ITGA4: variants seen among roughly 807,000 people sequenced by gnomAD.
ITGA4 encodes integrin subunit alpha 4.
Under a neutral mutation model 133.6 loss-of-function variants are expected in ITGA4, and 63 were observed. The ratio of observed to expected loss-of-function variants is 0.47; its 90% CI spans 0.38 to 0.58. The LOEUF is 0.58. Among genes scored for constraint, ITGA4 ranks in the 20% least tolerant of loss-of-function variants. The pLI, the probability that ITGA4 is intolerant of heterozygous loss-of-function variation, is 0.00. For synonymous variants in ITGA4, 483 were observed against 438.0 expected (o/e 1.10, Z -1.28); for missense variants, 1,076 against 1,252.7 (o/e 0.86, Z 2.13).
intron 2 of ITGA4, among the ~76,000 whole-genome samples, chr2:181,467,172 G>A (rs910862540): frequency 2.6e-5 from 4 of 151,936 alleles, no homozygotes; most frequent in Non-Finnish European, 4.4e-5. Context: ...ACTTTAGAGT[G>A]GAACAATTTG....
Position 181,537,066 on chromosome 2 carries a change from C to T in ITGA4, c.*1539C>T, listed in dbSNP as rs1388682268. ...TGAGTAGTGAAATGTAAGCACAAAA[C>T]CTCCTGAACCCAGAGTGTGTATACA... On this transcript the variant is annotated 3_prime_UTR_variant, in exon 28 of 28. Transcript: ENST00000397033. The T allele has an allele frequency of 4.5e-6, 2 of 444,286 alleles. No individual in the cohort carries two copies. The highest frequency in any genetic ancestry group is 9.0e-6 in the Non-Finnish European group (2 of 221,794). The allele number at this position is 444,286 out of a possible 1,614,324, so 27.5% of individuals were successfully genotyped here. A position where few individuals can be genotyped will look rare whatever the true frequency, so the allele number is the denominator to read the frequency against.
At position 181,495,323 on chromosome 2, in the gene ITGA4, T is replaced by C. The variant is rs201526512; in HGVS notation, c.1340-48T>C. ...AGTATTTATGGCTGAAAAATAATTCTCTTTGACTAATGATGATCATTAATC... is the reference window on the plus strand; with the variant it reads ...AGTATTTATGGCTGAAAAATAATTCCCTTTGACTAATGATGATCATTAATC... On this transcript the variant is annotated intron_variant, in intron 12 of 27. Coordinates refer to ENST00000397033, the MANE Select transcript of ITGA4 (RefSeq NM_000885.6). The surrounding 1 kb of genome is among the most constrained non-coding windows in gnomAD (Gnocchi z 4.3). 1.5e-5 allele frequency: 21 copies of C among 1,433,956 alleles called. No homozygotes were observed. Among genetic ancestry groups the C allele is most frequent in the East Asian group, 2.3e-5 (1 of 43,876 alleles). 88.8% of individuals were successfully genotyped at this position (1,433,956 alleles called of 1,614,324 possible). A position where few individuals can be genotyped will look rare whatever the true frequency, so the allele number is the denominator to read the frequency against.
At chr2:181,517,151 C>T (rs1277551589) in intron 17 of ITGA4, among the ~76,000 whole-genome samples, 1 of 151,966 alleles carries the variant, frequency 6.6e-6, no homozygotes, top group East Asian at 1.9e-4. Flanking sequence ...AAAAATTGTA[C>T]TTAGGCCTGT....
intron 2 of ITGA4, among the ~76,000 whole-genome samples, chr2:181,469,801 A>T: frequency 6.6e-6 from 1 of 152,186 alleles, no homozygotes; most frequent in Non-Finnish European, 1.5e-5. Flanking sequence ...CATTCTCAGT[A>T]AACTATCACA....
chr2:181,489,428 A>T (rs1685994216), intron 10 of ITGA4, among the ~76,000 whole-genome samples: 1 of 151,944 alleles, frequency 6.6e-6, no homozygotes, highest in South Asian at 2.1e-4. Flanking sequence ...ACCTGACATG[A>T]CCAACAGCAG....
chr2:181,531,900 T>G, intron 25 of ITGA4, 124 bp downstream of exon 25: 1 of 568,450 alleles, frequency 1.8e-6, no homozygotes, highest in Non-Finnish European at 3.0e-6. Context: ...AATTTTGGAG[T>G]AAAACTCTAA....
intron 22 of ITGA4, 69 bp from the exon 23 acceptor site, chr2:181,529,472 C>G: frequency 1.3e-6 from 1 of 753,496 alleles, no homozygotes; most frequent in Non-Finnish European, 2.3e-6. Flanking sequence ...CACCTAAAAG[C>G]TCACTGATAT....
chr2:181,471,090 C>G (rs1685539096), intron 2 of ITGA4, among the ~76,000 whole-genome samples: 1 of 152,156 alleles, frequency 6.6e-6, no homozygotes, highest in Non-Finnish European at 1.5e-5. Flanking sequence ...TATTTGCTCA[C>G]TTATTAAGAT....
In ITGA4 at chr2:181,482,508, G is replaced by C; in HGVS notation, c.904-6G>C. 1 of 1,613,534 alleles carries C rather than the reference G, an allele frequency of 6.2e-7. No homozygotes were observed. Among genetic ancestry groups the C allele is most frequent in the Middle Eastern group, 1.7e-4 (1 of 6,058 alleles). The stretch of plus-strand genomic sequence containing the variant: ...CAATGAGTGGATCTGGTTTGTTTTG[G>C]GACAGCTTGGATCGTACTTTGGAGC... On this transcript the variant is annotated splice_polypyrimidine_tract_variant and splice_region_variant and intron_variant, in intron 8 of 27. Coordinates refer to ENST00000397033, the MANE Select transcript of ITGA4 (RefSeq NM_000885.6).
chr2:181,503,080 G>A (rs1273633372), intron 15 of ITGA4, among the ~76,000 whole-genome samples: 2 of 151,984 alleles, frequency 1.3e-5, no homozygotes, highest in Non-Finnish European at 2.9e-5. Context: ...TAAACGGATC[G>A]AGCTGCAAAG....
Position 181,485,923 on chromosome 2 carries a change from G to A in ITGA4, c.1084G>A (p.Asp362Asn), listed in dbSNP as rs376305280. The change falls in exon 10 of 28, where the codon GAC (aspartate) becomes AAC (asparagine). Residue 362 changes from aspartate to asparagine, a missense_variant. By Grantham distance (23) the Asp-to-Asn change is conservative. This residue lies in a region of ITGA4 where 436 missense variants were observed against 590.7 expected (regional missense o/e 0.74). Transcript: ENST00000397033. ...NAMETNLVGS[D>N]KYAARFGESI... Reference sequence around the variant, plus strand: ...AATGGAAACAAACCTCGTTGGAAGTGACAAATATGCTGCAAGATTTGGGGA... The same window carrying A: ...AATGGAAACAAACCTCGTTGGAAGTAACAAATATGCTGCAAGATTTGGGGA... The A allele has an allele frequency of 1.2e-6, 2 of 1,605,344 alleles. No homozygotes were observed. Among genetic ancestry groups the A allele is most frequent in the African/African-American group, 1.3e-5 (1 of 74,412 alleles).
At chr2:181,459,098 GCTTAA>G (rs1383758246) in intron 2 of ITGA4, 1 of 152,142 alleles carries the variant, frequency 6.6e-6, no homozygotes, top group Non-Finnish European at 1.5e-5. Context: ...TATATATATT[GCTTAA>G]CTTTTTTCCC....
rs1372475602 is a variant in ITGA4 at position 181,536,627 on chromosome 2, T to TGATTCAATTTG, written c.*1101_*1111dup. The TGATTCAATTTG allele has an allele frequency of 6.2e-6, 1 of 160,498 alleles. No homozygotes were observed. The highest frequency in any genetic ancestry group is 1.4e-5 in the Non-Finnish European group (1 of 73,238). 9.9% of individuals were successfully genotyped at this position (160,498 alleles called of 1,614,324 possible). ...ATTCATAAATTTAGCTGAAAGATAC[T>TGATTCAATTTG]GATTCAATTTGTATACAGTGAATAT... On this transcript the variant is annotated 3_prime_UTR_variant, in exon 28 of 28. Coordinates refer to ENST00000397033, the MANE Select transcript of ITGA4 (RefSeq NM_000885.6).
In ITGA4 at chr2:181,537,004, T is replaced by G; in HGVS notation, c.*1477T>G. Reference sequence around the variant, plus strand: ...AAGTTATCTGTTCACAGGCCTGCAGTGATGGTGAGGAATGTTCTGAGATTT... The same window carrying G: ...AAGTTATCTGTTCACAGGCCTGCAGGGATGGTGAGGAATGTTCTGAGATTT... On this transcript the variant is annotated 3_prime_UTR_variant, in exon 28 of 28. Transcript: ENST00000397033. 1 of 448,550 alleles carries G rather than the reference T, an allele frequency of 2.2e-6. No individual in the cohort carries two copies. Among genetic ancestry groups the G allele is most frequent in the South Asian group, 1.6e-5 (1 of 63,352 alleles). 27.8% of individuals were successfully genotyped at this position (448,550 alleles called of 1,614,324 possible).
intron 2 of ITGA4, among the ~76,000 whole-genome samples, chr2:181,470,394 C>T (rs963811641): frequency 1.3e-5 from 2 of 151,968 alleles, no homozygotes; most frequent in Non-Finnish European, 2.9e-5. Context: ...TATTGGACAC[C>T]CCTGAGCTAC....
chr2:181,529,146 C>T (rs996608749), intron 22 of ITGA4, among the ~76,000 whole-genome samples: 8 of 152,150 alleles, frequency 5.3e-5, no homozygotes, highest in African/African-American at 9.7e-5. Flanking sequence ...CTAAGAACAC[C>T]TGTTAGCATT....
In ITGA4 at chr2:181,538,206, A is replaced by T; in HGVS notation, c.*2679A>T. On this transcript the variant is annotated 3_prime_UTR_variant, in exon 28 of 28. Transcript: ENST00000397033. ...ATGTTACTTTGGAATCATTTCTTCC[A>T]TGCTTCCTCCATAAAGACTGATAAG... 6.3e-7 allele frequency: 1 copy of T among 1,586,254 alleles called. No homozygotes were observed. The highest frequency in any genetic ancestry group is 8.7e-7 in the Non-Finnish European group (1 of 1,155,794).
chr2:181,483,683 G>T (rs182663150), intron 9 of ITGA4, among the ~76,000 whole-genome samples: 1 of 152,144 alleles, frequency 6.6e-6, no homozygotes, highest in African/African-American at 2.4e-5. Flanking sequence ...ACATTTAATA[G>T]TAAAAGCAAA....
At position 181,495,444 on chromosome 2, in the gene ITGA4, T is replaced by C. The variant is rs1470361062; in HGVS notation, c.1385+28T>C. 8.9e-6 allele frequency: 14 copies of C among 1,564,494 alleles called. No individual in the cohort carries two copies. The highest frequency in any genetic ancestry group is 1.1e-5 in the South Asian group (1 of 89,970). On this transcript the variant is annotated intron_variant, in intron 13 of 27. Transcript: ENST00000397033. The surrounding 1 kb of genome is among the most constrained non-coding windows in gnomAD (Gnocchi z 4.3). Reference sequence around the variant, plus strand: ...AAGACTGATATATTTCACTGCTTAATTGCAATTTGGTTTAATTGTAAAATG... The same window carrying C: ...AAGACTGATATATTTCACTGCTTAACTGCAATTTGGTTTAATTGTAAAATG...
Sources: allele counts gnomAD v4.1 joint callset (sites outside exome capture counted in the v4.1 genomes callset), GRCh38; gene constraint gnomAD v4.1.1; regional missense constraint gnomAD v4.1.1; non-coding constraint Gnocchi (gnomAD v3.1); transcripts MANE v1.5; gene names NCBI Gene and HGNC (gene_info 2026-07-23, HGNC 2026-07-21).